The following MAP3K19 variants were observed in gnomAD, a reference collection of about 807,000 sequenced individuals.
MAP3K19 encodes SPS1/STE20-related protein kinase YSK4.
Under a neutral mutation model 114.4 loss-of-function variants are expected in MAP3K19, and 91 were observed. That is an observed-to-expected ratio of 0.80 (90% CI 0.67 to 0.95). The LOEUF (loss-of-function observed/expected upper bound fraction) is 0.95, where lower values mean the gene tolerates loss of function less well. MAP3K19 is among the 40% of genes least tolerant of loss of function. The pLI, the probability that MAP3K19 is intolerant of heterozygous loss-of-function variation, is 0.00. For synonymous variants in MAP3K19, 518 were observed against 530.5 expected (o/e 0.98, Z 0.32); for missense variants, 1,471 against 1,573.2 (o/e 0.94, Z 1.10).
intron 4 of MAP3K19, chr2:135,023,493 A>C (rs567621491): frequency 1.9e-6 from 1 of 533,378 alleles, no homozygotes; most frequent in East Asian, 5.4e-5. Flanking sequence ...CCAGTCCTAC[A>C]GAAACTTGCT....
At chr2:134,975,382 G>A (rs1684164683) in intron 12 of MAP3K19, among the ~76,000 whole-genome samples, 1 of 152,164 alleles carries the variant, frequency 6.6e-6, no homozygotes, top group Admixed American at 6.5e-5. Context: ...CATGAGGAAT[G>A]TACAGATACC....
Position 134,988,032 on chromosome 2 carries a change from A to C in MAP3K19, c.840T>G (p.Ser280=). ...KSLMDPTLRS[S]DGFIWSRNMC... ...TGTTTCTTGACCAAATGAAGCCATC[A>C]GAAGACCTGAGAGTCGGATCCATCA... The change falls in exon 10 of 13, where the codon TCT becomes TCG. Residue 280 remains serine (S), a synonymous_variant. Transcript: ENST00000392915. 6.2e-7 allele frequency: 1 copy of C among 1,614,074 alleles called. No individual in the cohort carries two copies. The highest frequency in any genetic ancestry group is 8.5e-7 in the Non-Finnish European group (1 of 1,179,950).
At chr2:134,965,964 A>G (rs1683313816) in intron 12 of MAP3K19, among the ~76,000 whole-genome samples, 1 of 152,166 alleles carries the variant, frequency 6.6e-6, no homozygotes, top group Non-Finnish European at 1.5e-5. Flanking sequence ...TAGCTCCCAC[A>G]TAAGAGAGAA....
intron 1 of MAP3K19, among the ~76,000 whole-genome samples, chr2:135,041,767 TG>T (rs1688650019): frequency 6.6e-6 from 1 of 152,202 alleles, no homozygotes; most frequent in African/African-American, 2.4e-5. Context: ...TAATCTGGCA[TG>T]AGATTGAAAG....
intron 5 of MAP3K19, among the ~76,000 whole-genome samples, chr2:135,012,004 G>A (rs1352488113): frequency 6.6e-6 from 1 of 152,168 alleles, no homozygotes; most frequent in African/African-American, 2.4e-5. Context: ...TAAAAAGTAT[G>A]TTTTTGTTTA....
chr2:135,030,072 T>C (rs1551497), intron 3 of MAP3K19, among the ~76,000 whole-genome samples: 40,391 of 152,086 alleles, frequency 0.27, 7,235 homozygotes, highest in African/African-American at 0.49. Flanking sequence ...AGGGGTGTTG[T>C]GTGACTTCTA....
At chr2:135,005,292 C>T in intron 6 of MAP3K19, 143 bp downstream of exon 6, 1 of 614,068 alleles carries the variant, frequency 1.6e-6, no homozygotes, top group South Asian at 2.1e-5. Flanking sequence ...TTTCCTGATC[C>T]TCTCCCTCCT....
intron 9 of MAP3K19, among the ~76,000 whole-genome samples, chr2:134,988,454 A>G (rs1573956824): frequency 6.6e-6 from 1 of 152,174 alleles, no homozygotes; most frequent in East Asian, 1.9e-4. Context: ...GCAGTGGCAT[A>G]ATCACAGCTC....
intron 6 of MAP3K19, among the ~76,000 whole-genome samples, chr2:135,000,376 A>T (rs1686353891): frequency 6.6e-6 from 1 of 152,234 alleles, no homozygotes; most frequent in Admixed American, 6.5e-5. Context: ...ATGTAACACC[A>T]AAGATGTTTG....
intron 2 of MAP3K19, among the ~76,000 whole-genome samples, chr2:135,034,751 ACAGTCCAGCTT>A (rs1688487520): frequency 7.0e-6 from 1 of 142,532 alleles, no homozygotes; most frequent in Admixed American, 7.1e-5. Flanking sequence ...TGGCAGCAGT[ACAGTCCAGCTT>A]CGGCTGGGCA....
Position 134,983,793 on chromosome 2 carries a change from C to A in MAP3K19, c.3105G>T (p.Arg1035Ser), listed in dbSNP as rs748989295. ...CATTTGAGATGAGAAATTTCTCCTC[C>A]CTGTCATATATCCTGAGCCCACTAC... The part of the protein sequence containing the change: ...RHSSGLRIYD[R>S]EEKFLISNEK... The change falls in exon 11 of 13, where the codon AGG becomes AGT. Residue 1035 changes from arginine (R) to serine (S), a missense_variant. Transcript: ENST00000392915. 5.6e-6 allele frequency: 9 copies of A among 1,603,354 alleles called. No homozygotes were observed. In the Admixed American group the frequency reaches 1.2e-4, roughly 22 times the overall value.
At chr2:135,042,246 T>C (rs1436505025) in intron 1 of MAP3K19, among the ~76,000 whole-genome samples, 2 of 152,202 alleles carry the variant, frequency 1.3e-5, no homozygotes, top group African/African-American at 4.8e-5. Context: ...CTCACGCCTG[T>C]AATCCCAGCA....
chr2:134,995,280 C>T lies in MAP3K19; in HGVS notation c.574+3458G>A, dbSNP rs560064000. Among the ~76,000 whole-genome samples, 16 of 147,826 alleles carry T rather than the reference C, an allele frequency of 1.1e-4. No individual in the cohort carries two copies. In the East Asian group the frequency reaches 2.8e-3, roughly 26 times the overall value. ...GCAGGGAGCTGAGATCGCGCCATTGCACTCCAAGCATGGGTGACAGAGTCA... is the reference window on the plus strand; with the variant it reads ...GCAGGGAGCTGAGATCGCGCCATTGTACTCCAAGCATGGGTGACAGAGTCA... On this transcript the variant is annotated intron_variant, in intron 8 of 12. Transcript: ENST00000392915.
intron 8 of MAP3K19, among the ~76,000 whole-genome samples, chr2:134,995,494 G>A (rs1573974244): frequency 1.3e-5 from 2 of 151,854 alleles, no homozygotes; most frequent in East Asian, 3.9e-4. Flanking sequence ...GGCCAGGAGG[G>A]TCCAGGAGCA....
intron 9 of MAP3K19, among the ~76,000 whole-genome samples, chr2:134,990,332 C>G (rs1253253962): frequency 6.6e-6 from 1 of 152,202 alleles, no homozygotes; most frequent in African/African-American, 2.4e-5. Context: ...CACGACCAAG[C>G]CCTCCTGTTC....
At chr2:134,971,945 T>C (rs926789014) in intron 12 of MAP3K19, among the ~76,000 whole-genome samples, 3 of 151,852 alleles carry the variant, frequency 2.0e-5, no homozygotes, top group Non-Finnish European at 2.9e-5. Flanking sequence ...TTGATTTTTA[T>C]ATTTTTTTAT....
Position 134,987,626 on chromosome 2 carries a change from C to A in MAP3K19, c.1246G>T (p.Ala416Ser). ...QDEEMRNNKA[A>S]SKRVSLHKNE... ...TTATGTAATGAAACTCTTTTTGAAG[C>A]AGCTTTATTATTTCTCATCTCTTCA... is the stretch of plus-strand genomic sequence containing the variant. Residue 416 changes from alanine to serine, a missense_variant, in exon 10 of 13, where the codon GCT (alanine) becomes TCT (serine). Transcript: ENST00000392915. 1.2e-6 allele frequency: 2 copies of A among 1,613,902 alleles called. No individual in the cohort carries two copies. Among genetic ancestry groups the A allele is most frequent in the Non-Finnish European group, 1.7e-6 (2 of 1,179,994 alleles).
At position 134,998,325 on chromosome 2, in the gene MAP3K19, A is replaced by C. The variant is rs1388083553; in HGVS notation, c.574+413T>G. On this transcript the variant is annotated intron_variant, in intron 8 of 12. Transcript: ENST00000392915. ...GAGCTCACAATGAAGATTTTCAAAC[A>C]CTCAAGAAAAAAGTCAACCATAGTG... 2.0e-5 allele frequency among the ~76,000 whole-genome samples: 3 copies of C among 152,272 alleles called. No homozygotes were observed. The East Asian group carries it at 5.8e-4, about 29-fold the overall frequency.
At chr2:134,968,755 G>T (rs183174136) in intron 12 of MAP3K19, among the ~76,000 whole-genome samples, 8 of 150,482 alleles carry the variant, frequency 5.3e-5, no homozygotes, top group African/African-American at 1.7e-4. Context: ...GACGATGGGC[G>T]GCCGGGCAGA....
Sources: allele counts gnomAD v4.1 joint callset (sites outside exome capture counted in the v4.1 genomes callset), GRCh38; gene constraint gnomAD v4.1.1; transcripts MANE v1.5; gene names NCBI Gene and HGNC (gene_info 2026-07-23, HGNC 2026-07-21).